MADD: variants seen among roughly 807,000 people sequenced by gnomAD.
The protein encoded by MADD is MAP kinase-activating death domain protein.
Under a neutral mutation model 176.7 loss-of-function variants are expected in MADD, and 109 were observed. The observed-to-expected ratio is 0.62, with a 90% CI of 0.53 to 0.72. The LOEUF is 0.72. Among genes scored for constraint, MADD ranks in the 30% least tolerant of loss-of-function variants. The pLI, the probability that MADD is intolerant of heterozygous loss-of-function variation, is 0.00. For synonymous variants in MADD, 771 were observed against 771.3 expected, an observed-to-expected ratio of 1.00 and a Z score of 0.01; for missense variants, 1,914 against 2,045.5, an observed-to-expected ratio of 0.94 and a Z score of 1.24.
At chr11:47,300,104 T>C (rs900191588) in intron 22 of MADD, among the ~76,000 whole-genome samples, 3 of 152,218 alleles carry the variant, frequency 2.0e-5, no homozygotes, top group African/African-American at 7.2e-5. Context: ...AATGTTGACT[T>C]TTATCAAATA....
At chr11:47,326,902 A>C (rs2095508808) in intron 31 of MADD, 95 bp downstream of exon 35, 1 of 1,567,068 alleles carries the variant, frequency 6.4e-7, no homozygotes, top group East Asian at 2.2e-5. Context: ...GGAGAAGAAG[A>C]ACCTCTGTAG....
At chr11:47,300,209 T>C (rs1396006309) in intron 22 of MADD, among the ~76,000 whole-genome samples, 4 of 149,106 alleles carry the variant, frequency 2.7e-5, no homozygotes, top group Admixed American at 2.0e-4. Flanking sequence ...TTTCTTTCTT[T>C]TTTTTTTTTT....
At position 47,323,301 on chromosome 11, in the gene MADD, G is replaced by C. The variant is rs575186522; in HGVS notation, c.4198-370G>C. On this transcript the variant is annotated intron_variant, in intron 27 of 32. Coordinates refer to ENST00000402192, the Ensembl canonical transcript of MADD. ...TGCACCTGTAGTCCCTGCTACTTTG[G>C]GGGCTGAGGCAGGAAGAACCTGGCT... Among the ~76,000 whole-genome samples, 25 of 151,932 alleles carry C rather than the reference G, an allele frequency of 1.6e-4. 1 individual carries two copies. The highest frequency in any genetic ancestry group is 3.3e-4 in the Admixed American group (5 of 15,242).
At chr11:47,286,396 C>T (rs1316871608) in intron 14 of MADD, 37 bp from the exon 15 acceptor site, 6 of 1,384,546 alleles carry the variant, frequency 4.3e-6, no homozygotes, top group Non-Finnish European at 6.2e-6. Flanking sequence ...ATTACTTACT[C>T]TGCCAAGTCA....
exon 33 of MADD, chr11:47,329,126 C>T (rs1159700828): frequency 2.5e-6 from 4 of 1,613,964 alleles, no homozygotes; most frequent in African/African-American, 1.3e-5. Flanking sequence ...ATCTCAGAAC[C>T]CCGCCCCGGC....
At chr11:47,319,994 A>C (rs2094119316) in intron 27 of MADD, among the ~76,000 whole-genome samples, 2 of 149,524 alleles carry the variant, frequency 1.3e-5, no homozygotes, top group Non-Finnish European at 3.0e-5. Flanking sequence ...CCATCGCAAA[A>C]AAAAAAAAAA....
chr11:47,276,210 G>T lies in MADD; in HGVS notation c.963+8G>T, dbSNP rs760166796. The T allele has an allele frequency of 1.3e-6, 2 of 1,597,266 alleles. No individual in the cohort carries two copies. The highest frequency in any genetic ancestry group is 8.6e-7 in the Non-Finnish European group (1 of 1,169,076). Reference sequence around the variant, plus strand: ...ATTCTGTTAGAGCACAAGGTGAGAGGCAAGCTTCCTAGACCTTTCTAGGGG... The same window carrying T: ...ATTCTGTTAGAGCACAAGGTGAGAGTCAAGCTTCCTAGACCTTTCTAGGGG... On this transcript the variant is annotated splice_region_variant and intron_variant, in intron 4 of 32. Transcript: ENST00000402192.
At chr11:47,274,096 C>G in intron 2 of MADD, 120 bp downstream of exon 2, 1 of 943,496 alleles carries the variant, frequency 1.1e-6, no homozygotes, top group Non-Finnish European at 1.6e-6. Flanking sequence ...TTATTTTACC[C>G]TGATGGGAGC....
chr11:47,289,534 G>A (rs373839591), intron 16 of MADD, 41 bp downstream of exon 17: 29 of 1,548,712 alleles, frequency 1.9e-5, no homozygotes, highest in Non-Finnish European at 2.6e-5. Context: ...CTCAGGCAGA[G>A]GTGGGGTGGT....
chr11:47,294,486 G>A (rs1031973266), intron 20 of MADD, among the ~76,000 whole-genome samples: 4 of 151,562 alleles, frequency 2.6e-5, no homozygotes, highest in Admixed American at 6.6e-5. Flanking sequence ...CCTGGCCAAC[G>A]TAGTGAAACC....
At chr11:47,298,868 A>G (rs889707966) in intron 22 of MADD, among the ~76,000 whole-genome samples, 1 of 152,166 alleles carries the variant, frequency 6.6e-6, no homozygotes, top group Non-Finnish European at 1.5e-5. Flanking sequence ...GGTGAGAGCT[A>G]AGGGGTCTAG....
chr11:47,304,893 A>G (rs2081341175), intron 22 of MADD, among the ~76,000 whole-genome samples: 1 of 152,162 alleles, frequency 6.6e-6, no homozygotes, highest in South Asian at 2.1e-4. Context: ...AGTGGCTTTC[A>G]TAGAGAAAGA....
At position 47,325,855 on chromosome 11, in the gene MADD, GA is replaced by G. The variant is rs1432201112; in HGVS notation, c.4543-881del. ...CAGCCATCCAAGCCAGTCTGTGGTT[GA>G]AGGCTTGGCCCCTAGAAGATAGACT... On this transcript the variant is annotated intron_variant, in intron 30 of 32. Coordinates refer to ENST00000402192, the Ensembl canonical transcript of MADD. This position sits in a 1 kb window ranked among gnomAD's most constrained non-coding sequence, Gnocchi z 4.5. 6.6e-6 allele frequency among the ~76,000 whole-genome samples: 1 copy of G among 152,266 alleles called. No individual in the cohort carries two copies. The highest frequency in any genetic ancestry group is 1.5e-5 in the Non-Finnish European group (1 of 68,050).
rs559013345 is a variant in MADD at position 47,294,142 on chromosome 11, G to T, written c.3402+159G>T. On this transcript the variant is annotated intron_variant, in intron 20 of 32. Coordinates refer to ENST00000402192, the Ensembl canonical transcript of MADD. ...AGGCGGGTGGGTCACCTGAGGTCGG[G>T]AGTTCGAGACCAGCCTGACCAACAT... Among the ~76,000 whole-genome samples the T allele has an allele frequency of 2.2e-3, 340 of 152,118 alleles. 1 individual carries two copies. Among genetic ancestry groups the T allele is most frequent in the Non-Finnish European group, 3.3e-3 (226 of 67,994 alleles).
At chr11:47,275,093 G>C in exon 3 of MADD, 1 of 1,614,210 alleles carries the variant, frequency 6.2e-7, no homozygotes, top group Non-Finnish European at 8.5e-7. Context: ...ACTCTCAAGC[G>C]CCTGGTGGAC....
chr11:47,289,678 G>T (rs1176423508), intron 16 of MADD, among the ~76,000 whole-genome samples, 185 bp downstream of exon 17: 1 of 152,174 alleles, frequency 6.6e-6, no homozygotes, highest in African/African-American at 2.4e-5. Flanking sequence ...TGTTGAGGGG[G>T]GTTAATCAGC....
intron 19 of MADD, among the ~76,000 whole-genome samples, chr11:47,293,126 C>T (rs546906117): frequency 2.5e-4 from 38 of 152,138 alleles, no homozygotes; most frequent in Middle Eastern, 3.4e-3. Context: ...AGGCAGTGCC[C>T]ACCAAAACAG....
chr11:47,289,301 G>A (rs761415545), intron 15 of MADD, 90 bp from the exon 17 acceptor site: 11 of 1,085,736 alleles, frequency 1.0e-5, no homozygotes, highest in African/African-American at 3.1e-5. Flanking sequence ...TCTGAGGAAC[G>A]GGCATGGAAC....
rs186287450 is a variant in MADD, at chr11:47,315,993, G to A, written c.4197+666G>A. ...ATTACAGGCATGCGCCACCATGCCCGGCCAATTTTTTGTATTTTAGTAGAG... is the reference window on the plus strand; with the variant it reads ...ATTACAGGCATGCGCCACCATGCCCAGCCAATTTTTTGTATTTTAGTAGAG... On this transcript the variant is annotated intron_variant, in intron 27 of 32. Coordinates refer to ENST00000402192, the Ensembl canonical transcript of MADD. Among the ~76,000 whole-genome samples the A allele has an allele frequency of 9.4e-3, 1,417 of 151,340 alleles. 21 individuals are homozygous for A. The highest frequency in any genetic ancestry group is 0.032 in the African/African-American group (1,325 of 41,226).
Sources: gnomAD v4.1 joint callset for allele counts (sites outside exome capture counted in the v4.1 genomes callset) on GRCh38, gnomAD v4.1.1 for gene constraint, Gnocchi (gnomAD v3.1) non-coding constraint, MANE v1.5 for transcripts, NCBI Gene and HGNC (gene_info 2026-07-23, HGNC 2026-07-21) for gene names.